NOX4: variants seen among roughly 807,000 people sequenced by gnomAD.
The protein encoded by NOX4 is NADPH oxidase 4, also known as kidney oxidase-1.
Under a neutral mutation model 87.6 loss-of-function variants are expected in NOX4, and 69 were observed. The ratio of observed to expected loss-of-function variants is 0.79; its 90% CI spans 0.65 to 0.96. The LOEUF (loss-of-function observed/expected upper bound fraction) is 0.96. Among genes scored for constraint, NOX4 ranks in the 40% least tolerant of loss-of-function variants. The pLI, the probability that NOX4 is intolerant of heterozygous loss-of-function variation, is 0.00. For synonymous variants in NOX4, 275 were observed against 238.2 expected (o/e 1.15, Z -1.42); for missense variants, 680 against 681.5 (o/e 1.00, Z 0.02).
At chr11:89,362,475 A>G (rs1311368145) in intron 12 of NOX4, among the ~76,000 whole-genome samples, 1 of 152,008 alleles carries the variant, frequency 6.6e-6, no homozygotes, top group Non-Finnish European at 1.5e-5. Context: ...CCTTGACTCT[A>G]TCAGTTAAGT....
At chr11:89,379,760 A>G (rs1258717797) in intron 11 of NOX4, among the ~76,000 whole-genome samples, 1 of 152,288 alleles carries the variant, frequency 6.6e-6, no homozygotes, top group Non-Finnish European at 1.5e-5. Flanking sequence ...TCCATGGAAT[A>G]CATTTTGTTA....
At chr11:89,474,165 T>C (rs1946068636) in intron 2 of NOX4, among the ~76,000 whole-genome samples, 1 of 152,080 alleles carries the variant, frequency 6.6e-6, no homozygotes, top group Admixed American at 6.6e-5. Context: ...CCTATTAAAT[T>C]AAATCAAACA....
upstream of NOX4, among the ~76,000 whole-genome samples, chr11:89,502,630 C>T (rs1453164225): frequency 5.9e-5 from 9 of 151,994 alleles, no homozygotes; most frequent in South Asian, 1.5e-3. Context: ...TTGGAATTTT[C>T]GTGTTACAGT....
chr11:89,399,035 A>G (rs1294523475), intron 11 of NOX4, among the ~76,000 whole-genome samples: 4 of 151,970 alleles, frequency 2.6e-5, no homozygotes, highest in East Asian at 1.9e-4. Context: ...AAAGGATTGG[A>G]AAGTGGGGAA....
At chr11:89,506,439 A>G in the NOX4 span, among the ~76,000 whole-genome samples, 3 of 151,784 alleles carry the variant, frequency 2.0e-5, no homozygotes, top group Non-Finnish European at 4.4e-5. Flanking sequence ...TTAACTCAAA[A>G]TGGATCATAG....
At chr11:89,512,276 TAA>T in the NOX4 span, among the ~76,000 whole-genome samples, 58 of 152,200 alleles carry the variant, frequency 3.8e-4, no homozygotes, top group African/African-American at 1.2e-3. Flanking sequence ...TTTTTTATAA[TAA>T]AACACTTGAT....
At chr11:89,505,486 C>T in the NOX4 span, among the ~76,000 whole-genome samples, 1 of 151,744 alleles carries the variant, frequency 6.6e-6, no homozygotes, top group African/African-American at 2.4e-5. Flanking sequence ...TTTCTAAGGA[C>T]CTGATATGTA....
At chr11:89,527,977 T>A in the NOX4 span, among the ~76,000 whole-genome samples, 157 of 128,080 alleles carry the variant, frequency 1.2e-3, no homozygotes, top group Non-Finnish European at 2.1e-3. Flanking sequence ...TGGCAGCCTG[T>A]GAAAGCATCT....
intron 16 of NOX4, 42 bp downstream of exon 16, chr11:89,337,405 A>T: frequency 6.2e-7 from 1 of 1,610,324 alleles, no homozygotes; most frequent in Non-Finnish European, 8.5e-7. Flanking sequence ...TAAATCTATT[A>T]TCAAGAGGCT....
the NOX4 span, among the ~76,000 whole-genome samples, chr11:89,527,735 T>C: frequency 6.6e-6 from 1 of 152,108 alleles, no homozygotes; most frequent in Admixed American, 6.5e-5. Flanking sequence ...AGAGGATGTA[T>C]GGAAGTGCCT....
chr11:89,520,133 C>T, the NOX4 span, among the ~76,000 whole-genome samples: 2 of 151,754 alleles, frequency 1.3e-5, no homozygotes, highest in Non-Finnish European at 1.5e-5. Flanking sequence ...TTGGGGAAGG[C>T]GTAGCTCCCC....
intron 2 of NOX4, among the ~76,000 whole-genome samples, chr11:89,472,831 A>C (rs1273970267): frequency 1.3e-5 from 2 of 152,180 alleles, no homozygotes; most frequent in Non-Finnish European, 2.9e-5. Flanking sequence ...TTCTAAAGAC[A>C]ATATTGTCTA....
the NOX4 span, among the ~76,000 whole-genome samples, chr11:89,518,772 C>T: frequency 3.2e-4 from 49 of 152,076 alleles, no homozygotes; most frequent in African/African-American, 1.1e-3. Flanking sequence ...AACCATGTGA[C>T]GTGGAGTAAT....
chr11:89,431,230 T>C (rs977230653), intron 7 of NOX4, among the ~76,000 whole-genome samples: 14 of 152,160 alleles, frequency 9.2e-5, no homozygotes, highest in African/African-American at 2.4e-4. Flanking sequence ...ACTTAAATGT[T>C]AGACCTAAAA....
chr11:89,564,754 GT>G, the NOX4 span, among the ~76,000 whole-genome samples: 10 of 148,458 alleles, frequency 6.7e-5, no homozygotes, highest in East Asian at 1.0e-3. Flanking sequence ...TTTGTTTTTT[GT>G]TTTTTTTTTA....
intron 2 of NOX4, among the ~76,000 whole-genome samples, chr11:89,468,911 A>G (rs1945815186): frequency 6.6e-6 from 1 of 151,948 alleles, no homozygotes; most frequent in African/African-American, 2.4e-5. Context: ...CACCTGTCTA[A>G]TTACTTTTAT....
chr11:89,514,666 G>A, the NOX4 span, among the ~76,000 whole-genome samples: 2 of 151,730 alleles, frequency 1.3e-5, no homozygotes, highest in Admixed American at 6.6e-5. Flanking sequence ...TTGTTTGTTT[G>A]TTTGTTTTAT....
chr11:89,484,257 C>A (rs1946500208), intron 2 of NOX4, among the ~76,000 whole-genome samples: 1 of 152,046 alleles, frequency 6.6e-6, no homozygotes, highest in Admixed American at 6.6e-5. Flanking sequence ...CTATATATCA[C>A]AACGAGGTTA....
chr11:89,456,038 T>C (rs1565315384), intron 2 of NOX4, among the ~76,000 whole-genome samples: 1 of 152,028 alleles, frequency 6.6e-6, no homozygotes, highest in African/African-American at 2.4e-5. Flanking sequence ...TTAACAATAA[T>C]TTACTGTATA....
Sources: gnomAD v4.1 joint callset for allele counts (sites outside exome capture counted in the v4.1 genomes callset) on GRCh38, gnomAD v4.1.1 for gene constraint, MANE v1.5 for transcripts, NCBI Gene and HGNC (gene_info 2026-07-23, HGNC 2026-07-21) for gene names.